Variants in WDR7 observed in about 807,000 individuals in gnomAD.
The protein encoded by WDR7 is WD repeat domain 7.
Under a neutral mutation model 169.4 loss-of-function variants are expected in WDR7, and 46 were observed. The ratio of observed to expected loss-of-function variants is 0.27; its 90% CI spans 0.21 to 0.35. The LOEUF (loss-of-function observed/expected upper bound fraction) is 0.35, where lower values mean the gene tolerates loss of function less well. Among genes scored for constraint, WDR7 ranks in the 10% least tolerant of loss-of-function variants. WDR7 has a pLI of 1.00. For synonymous variants in WDR7, 612 were observed against 666.8 expected, an observed-to-expected ratio of 0.92 and a Z score of 1.27; for missense variants, 1,534 against 1,859.3, an observed-to-expected ratio of 0.83 and a Z score of 3.22.
chr18:57,009,330 G>A (rs1318027111), intron 26 of WDR7, among the ~76,000 whole-genome samples: 1 of 152,096 alleles, frequency 6.6e-6, no homozygotes, highest in Admixed American at 6.6e-5. Context: ...TAAGTTAGAA[G>A]GTATTCATTC....
At chr18:56,678,681 G>A (rs888103911) in intron 2 of WDR7, among the ~76,000 whole-genome samples, 5 of 152,124 alleles carry the variant, frequency 3.3e-5, no homozygotes, top group African/African-American at 9.7e-5. Flanking sequence ...ATTTTTAGTA[G>A]AGATGGGGTT....
At chr18:56,939,911 G>C (rs981514126) in intron 25 of WDR7, among the ~76,000 whole-genome samples, 1 of 151,086 alleles carries the variant, frequency 6.6e-6, no homozygotes, top group Non-Finnish European at 1.5e-5. Context: ...CATTTGCTAA[G>C]TATAACTATA....
intron 16 of WDR7, among the ~76,000 whole-genome samples, chr18:56,772,060 CAAAAAAAA>C (rs71169397): frequency 3.9e-5 from 2 of 51,188 alleles, no homozygotes; most frequent in Non-Finnish European, 6.7e-5. Flanking sequence ...GACCCTGTCT[CAAAAAAAA>C]AAAAAAAAAA....
intron 20 of WDR7, among the ~76,000 whole-genome samples, chr18:56,822,282 A>T (rs2045113111): frequency 6.6e-6 from 1 of 152,176 alleles, no homozygotes; most frequent in South Asian, 2.1e-4. Flanking sequence ...GTAAATGTTC[A>T]TTGTTGTGTC....
intron 22 of WDR7, among the ~76,000 whole-genome samples, chr18:56,926,316 C>CAGA (rs142152942): frequency 1.6e-3 from 251 of 152,318 alleles, no homozygotes; most frequent in African/African-American, 5.8e-3. Flanking sequence ...CACACATCAA[C>CAGA]AGTGTTGGCT....
At chr18:56,994,016 C>CTTTTTTT (rs35579782) in intron 26 of WDR7, among the ~76,000 whole-genome samples, 7 of 129,204 alleles carry the variant, frequency 5.4e-5, no homozygotes, top group African/African-American at 5.9e-5. Flanking sequence ...CTTTTTTTTT[C>CTTTTTTT]TTTTTTTTTT....
intron 21 of WDR7, among the ~76,000 whole-genome samples, chr18:56,891,809 A>G (rs2046267329): frequency 6.6e-6 from 1 of 152,106 alleles, no homozygotes. Flanking sequence ...CTTTGGCCAC[A>G]TTATCATACA....
At chr18:56,936,937 C>CAT (rs917895357) in intron 23 of WDR7, among the ~76,000 whole-genome samples, 23 of 151,412 alleles carry the variant, frequency 1.5e-4, no homozygotes, top group South Asian at 4.2e-4. Flanking sequence ...ATAATGTGTG[C>CAT]ATATATATAT....
chr18:56,791,481 T>C (rs1348875059), intron 19 of WDR7, among the ~76,000 whole-genome samples: 10 of 152,186 alleles, frequency 6.6e-5, no homozygotes. Flanking sequence ...GTGGCTACTA[T>C]GTCTTAGGTT....
chr18:56,986,128 T>TTGTGTG (rs60449836), intron 26 of WDR7, among the ~76,000 whole-genome samples: 282 of 136,346 alleles, frequency 2.1e-3, no homozygotes, highest in African/African-American at 6.1e-3. Context: ...TTCAGCTTCT[T>TTGTGTG]TGTGTGTGTG....
At chr18:56,955,487 A>C (rs1386342543) in intron 25 of WDR7, among the ~76,000 whole-genome samples, 1 of 152,194 alleles carries the variant, frequency 6.6e-6, no homozygotes, top group African/African-American at 2.4e-5. Flanking sequence ...TCAGGTTTAT[A>C]CTTGTAAATT....
chr18:56,810,519 A>G (rs1371175054), intron 19 of WDR7, among the ~76,000 whole-genome samples: 2 of 152,218 alleles, frequency 1.3e-5, no homozygotes, highest in East Asian at 3.8e-4. Flanking sequence ...ACTGAGGATT[A>G]ATATAGTTAC....
In WDR7 at chr18:56,962,430, G is replaced by A. The variant is rs1284489518; in HGVS notation, c.4065G>A (p.Arg1355=). The A allele has an allele frequency of 6.2e-7, 1 of 1,612,726 alleles. No homozygotes were observed. Among genetic ancestry groups the A allele is most frequent in the Non-Finnish European group, 8.5e-7 (1 of 1,179,130 alleles). ...GLQECFPAIC[R]FYMVSYYERN... ...TTTGTTGTTAAAATGTTCAACTCAG[G>A]TTCTACATGGTCAGCTATTATGAGC... Residue 1355 remains arginine, a splice_region_variant and synonymous_variant, in exon 26 of 28, where the codon AGG becomes AGA. Coordinates refer to ENST00000254442, the MANE Select transcript of WDR7 (RefSeq NM_015285.3).
At chr18:56,830,895 C>T (rs958703134) in intron 20 of WDR7, among the ~76,000 whole-genome samples, 5 of 152,122 alleles carry the variant, frequency 3.3e-5, no homozygotes, top group East Asian at 1.9e-4. Flanking sequence ...TTAGTAGAGA[C>T]GGGGTTTCAC....
At chr18:56,679,235 T>A in intron 2 of WDR7, 97 bp from the exon 3 acceptor site, 1 of 922,956 alleles carries the variant, frequency 1.1e-6, no homozygotes, top group Non-Finnish European at 1.6e-6. Context: ...CTTAGCAGTC[T>A]ACCTAGTCTT....
At chr18:56,912,168 A>C (rs2046561751) in intron 21 of WDR7, among the ~76,000 whole-genome samples, 1 of 152,176 alleles carries the variant, frequency 6.6e-6, no homozygotes, top group Admixed American at 6.6e-5. Flanking sequence ...GGTGAGTTTT[A>C]TCCCTGGGAA....
At position 56,691,279 on chromosome 18, in the gene WDR7, A is replaced by AC; in HGVS notation, c.783dup (p.Gly262ArgfsTer9). The AC allele has an allele frequency of 6.2e-7, 1 of 1,609,114 alleles. No individual in the cohort carries two copies. The highest frequency in any genetic ancestry group is 1.1e-5 in the South Asian group (1 of 89,844). ...TCCTAGTGAAAATGGACAGACATGG[A>AC]CCGGGGGGGACTTTGTCTCATCAGA... On this transcript the variant is annotated frameshift_variant, in exon 8 of 28. Transcript: ENST00000254442. LOFTEE classifies it high-confidence loss of function.
At chr18:56,725,675 A>G (rs2026433107) in intron 13 of WDR7, among the ~76,000 whole-genome samples, 1 of 152,078 alleles carries the variant, frequency 6.6e-6, no homozygotes. Context: ...CGCATTTGTC[A>G]ATTTTGGCTT....
At chr18:57,016,080 G>C (rs745864291) in intron 26 of WDR7, among the ~76,000 whole-genome samples, 2 of 152,100 alleles carry the variant, frequency 1.3e-5, no homozygotes, top group African/African-American at 2.4e-5. Flanking sequence ...CAGAGGCCAC[G>C]TGCAGCCAAC....
Sources: allele counts gnomAD v4.1 joint callset (sites outside exome capture counted in the v4.1 genomes callset), GRCh38; gene constraint gnomAD v4.1.1; transcripts MANE v1.5; gene names NCBI Gene and HGNC (gene_info 2026-07-23, HGNC 2026-07-21).